GMDS: variants seen among roughly 807,000 people sequenced by gnomAD.
The protein encoded by GMDS is GDP-mannose 4,6-dehydratase, also known as GDP-mannose 4,6 dehydratase.
In GMDS, 20 loss-of-function variants were observed where a neutral mutation model predicts 49.9. The ratio of observed to expected loss-of-function variants is 0.40; its 90% CI spans 0.28 to 0.58. The LOEUF is 0.58. Among genes scored for constraint, GMDS ranks in the 20% least tolerant of loss-of-function variants. GMDS has a pLI of 0.42. For missense variants in GMDS, 362 were observed against 481.4 expected (o/e 0.75, Z 2.32); for synonymous variants, 177 against 178.6 (o/e 0.99, Z 0.07).
intron 1 of GMDS, among the ~76,000 whole-genome samples, chr6:2,180,145 TG>T (rs1778454476): frequency 6.6e-6 from 1 of 152,180 alleles, no homozygotes; most frequent in Non-Finnish European, 1.5e-5. Context: ...GACTAGCAAC[TG>T]GCTGGCTACC....
chr6:2,192,659 G>A (rs987391111), intron 1 of GMDS, among the ~76,000 whole-genome samples: 8 of 152,204 alleles, frequency 5.3e-5, no homozygotes, highest in African/African-American at 9.7e-5. Flanking sequence ...TGGTCCAGCC[G>A]CAGCCTCACA....
chr6:1,738,695 T>A (rs1767143468), intron 8 of GMDS, among the ~76,000 whole-genome samples: 1 of 142,412 alleles, frequency 7.0e-6, no homozygotes, highest in Admixed American at 7.1e-5. Context: ...CTAGCTTAAT[T>A]AATGGCAATG....
chr6:1,985,011 T>C (rs1242853655), intron 4 of GMDS, among the ~76,000 whole-genome samples: 1 of 152,128 alleles, frequency 6.6e-6, no homozygotes, highest in Non-Finnish European at 1.5e-5. Context: ...AAGCACCTAG[T>C]GAAGAGGGAA....
At chr6:1,846,246 C>T (rs1031415396) in intron 7 of GMDS, among the ~76,000 whole-genome samples, 2 of 152,016 alleles carry the variant, frequency 1.3e-5, no homozygotes, top group African/African-American at 2.4e-5. Flanking sequence ...GTGTGTGCCG[C>T]CATGTCCAGC....
At chr6:1,938,780 C>G (rs981405431) in intron 6 of GMDS, among the ~76,000 whole-genome samples, 3 of 151,976 alleles carry the variant, frequency 2.0e-5, no homozygotes, top group African/African-American at 7.2e-5. Flanking sequence ...GGATATTAGA[C>G]TACTACTTTT....
chr6:1,733,054 C>T (rs948014842), intron 8 of GMDS, among the ~76,000 whole-genome samples: 12 of 152,188 alleles, frequency 7.9e-5, no homozygotes, highest in Non-Finnish European at 1.8e-4. Flanking sequence ...ACACTAGCTC[C>T]GCTACAGACC....
At chr6:2,184,446 C>A (rs1778689962) in intron 1 of GMDS, among the ~76,000 whole-genome samples, 1 of 152,180 alleles carries the variant, frequency 6.6e-6, no homozygotes, top group Non-Finnish European at 1.5e-5. Context: ...TGGCCTCTTT[C>A]CATCCCTTGA....
At chr6:2,045,766 A>G (rs1262944647) in intron 4 of GMDS, among the ~76,000 whole-genome samples, 2 of 143,664 alleles carry the variant, frequency 1.4e-5, no homozygotes, top group Non-Finnish European at 1.6e-5. Context: ...AGCTAGCCCC[A>G]GTCAAAAAAA....
chr6:2,023,484 GCCCT>G, intron 4 of GMDS, among the ~76,000 whole-genome samples: 1 of 152,354 alleles, frequency 6.6e-6, no homozygotes, highest in South Asian at 2.1e-4. Context: ...CCCTTCAGGG[GCCCT>G]TCTGCAGGCC....
chr6:2,158,116 T>C (rs933826147), intron 1 of GMDS, among the ~76,000 whole-genome samples: 6 of 152,234 alleles, frequency 3.9e-5, no homozygotes, highest in South Asian at 2.1e-4. Flanking sequence ...GGCCTTTTCA[T>C]CACCTTGCTG....
chr6:1,834,060 G>C (rs189464241), intron 7 of GMDS, among the ~76,000 whole-genome samples: 128 of 152,224 alleles, frequency 8.4e-4, no homozygotes, highest in African/African-American at 3.0e-3. Context: ...AAATTATTAA[G>C]AATTAGCACC....
chr6:1,911,630 A>G (rs1293790309), intron 7 of GMDS, among the ~76,000 whole-genome samples: 1 of 152,124 alleles, frequency 6.6e-6, no homozygotes, highest in African/African-American at 2.4e-5. Context: ...TCCACGCTGC[A>G]TGGGCTAGTT....
intron 9 of GMDS, among the ~76,000 whole-genome samples, chr6:1,681,795 T>G (rs922551980): frequency 3.9e-5 from 6 of 152,212 alleles, no homozygotes; most frequent in Middle Eastern, 3.2e-3. Context: ...CCCTGCACGC[T>G]GGTGATCCTC....
intron 9 of GMDS, among the ~76,000 whole-genome samples, chr6:1,685,755 G>A (rs1434453081): frequency 6.6e-6 from 1 of 152,198 alleles, no homozygotes; most frequent in Non-Finnish European, 1.5e-5. Context: ...GGAAGGATGG[G>A]AAGGAATGGA....
At chr6:2,218,230 A>G (rs1009692388) in intron 1 of GMDS, among the ~76,000 whole-genome samples, 8 of 152,208 alleles carry the variant, frequency 5.3e-5, no homozygotes, top group African/African-American at 1.7e-4. Flanking sequence ...AAAGAGAAGA[A>G]AGTTGAGGAT....
intron 4 of GMDS, among the ~76,000 whole-genome samples, chr6:2,083,946 ATAATATT>A (rs1454998754): frequency 2.0e-5 from 3 of 152,244 alleles, no homozygotes; most frequent in Non-Finnish European, 4.4e-5. Context: ...GCTAAAATAT[ATAATATT>A]TAAGTTATAA....
intron 4 of GMDS, among the ~76,000 whole-genome samples, chr6:2,103,316 TTAAGA>T (rs1287444018): frequency 6.6e-6 from 1 of 152,198 alleles, no homozygotes; most frequent in African/African-American, 2.4e-5. Flanking sequence ...GAAGGGGTTG[TTAAGA>T]TATCAAATTT....
At chr6:2,000,888 C>A (rs1581494686) in intron 4 of GMDS, among the ~76,000 whole-genome samples, 2 of 152,296 alleles carry the variant, frequency 1.3e-5, no homozygotes, top group East Asian at 3.9e-4. Flanking sequence ...ATTTGTTTAT[C>A]CATTAACCAG....
chr6:1,865,183 T>C (rs554083930), intron 7 of GMDS, among the ~76,000 whole-genome samples: 3 of 152,350 alleles, frequency 2.0e-5, no homozygotes, highest in Admixed American at 6.5e-5. Context: ...TATTCCTCAA[T>C]TAAGTTTTCT....
Sources: allele counts gnomAD v4.1 joint callset (sites outside exome capture counted in the v4.1 genomes callset), GRCh38; gene constraint gnomAD v4.1.1; transcripts MANE v1.5; gene names NCBI Gene and HGNC (gene_info 2026-07-23, HGNC 2026-07-21).